Variants in LRP1B observed in about 807,000 individuals in gnomAD.
LRP1B encodes the protein low-density lipoprotein receptor-related protein 1B.
LRP1B carries 217 observed loss-of-function variants against 556.6 expected under a neutral mutation model. The ratio of observed to expected loss-of-function variants is 0.39; its 90% CI spans 0.35 to 0.44. LRP1B has a LOEUF of 0.44. LRP1B is among the 20% of genes least tolerant of loss of function. The probability of loss-of-function intolerance (pLI) is 1.00; values close to 1 mark genes in which losing one functional copy is unlikely to be tolerated. For synonymous variants in LRP1B, 2,047 were observed against 1,865.8 expected (o/e 1.10, Z -2.50); for missense variants, 5,053 against 5,620.8 (o/e 0.90, Z 3.23).
chr2:141,679,290 T>C (rs928334051), intron 2 of LRP1B, among the ~76,000 whole-genome samples: 6 of 152,152 alleles, frequency 3.9e-5, no homozygotes, highest in Non-Finnish European at 7.4e-5. Flanking sequence ...CAGACATATG[T>C]ATTTAGGCCA....
intron 43 of LRP1B, among the ~76,000 whole-genome samples, chr2:140,548,253 T>A (rs1680420161): frequency 6.6e-6 from 1 of 152,190 alleles, no homozygotes; most frequent in African/African-American, 2.4e-5. Context: ...TGGAACTTGA[T>A]ATAAGGTTTA....
intron 90 of LRP1B, among the ~76,000 whole-genome samples, chr2:140,234,577 C>G (rs1680612752): frequency 6.6e-6 from 1 of 151,252 alleles, no homozygotes; most frequent in Non-Finnish European, 1.5e-5. Flanking sequence ...AGAGATATTT[C>G]TACTTAATGG....
intron 23 of LRP1B, among the ~76,000 whole-genome samples, chr2:140,888,677 T>C (rs927257191): frequency 6.6e-6 from 1 of 151,716 alleles, no homozygotes; most frequent in Admixed American, 6.6e-5. Context: ...TAAAAAGAAA[T>C]AGAAGGACAG....
intron 25 of LRP1B, among the ~76,000 whole-genome samples, chr2:140,873,294 A>G (rs1693199601): frequency 6.6e-6 from 1 of 152,130 alleles, no homozygotes; most frequent in Non-Finnish European, 1.5e-5. Context: ...TTAATAAATA[A>G]GACATTAATA....
intron 20 of LRP1B, among the ~76,000 whole-genome samples, chr2:140,942,643 C>A (rs572608136): frequency 1.3e-5 from 2 of 152,104 alleles, no homozygotes; most frequent in Admixed American, 6.6e-5. Context: ...TTTTAGTATT[C>A]TTATAAGAAA....
chr2:141,609,562 G>A (rs150821985), intron 2 of LRP1B, among the ~76,000 whole-genome samples: 172 of 152,256 alleles, frequency 1.1e-3, no homozygotes, highest in African/African-American at 3.9e-3. Context: ...TCACTTAATT[G>A]TATGCTTATA....
At chr2:141,639,595 T>A (rs950076076) in intron 2 of LRP1B, among the ~76,000 whole-genome samples, 21 of 151,262 alleles carry the variant, frequency 1.4e-4, no homozygotes, top group Non-Finnish European at 5.9e-5. Context: ...CTGTACCTTG[T>A]GCATCTATTT....
At chr2:140,398,251 A>G (rs1193749106) in intron 66 of LRP1B, among the ~76,000 whole-genome samples, 2 of 152,300 alleles carry the variant, frequency 1.3e-5, no homozygotes, top group East Asian at 3.9e-4. Flanking sequence ...ATTTATCTAC[A>G]TACATATATT....
chr2:141,494,323 C>G (rs978652666), intron 2 of LRP1B, among the ~76,000 whole-genome samples: 1 of 152,222 alleles, frequency 6.6e-6, no homozygotes, highest in Admixed American at 6.5e-5. Flanking sequence ...ACCTTTGAAG[C>G]AACACAAAAC....
intron 41 of LRP1B, among the ~76,000 whole-genome samples, chr2:140,651,719 A>G (rs116406740): frequency 2.0e-5 from 3 of 152,098 alleles, no homozygotes; most frequent in Non-Finnish European, 4.4e-5. Flanking sequence ...GTTGCAGTAG[A>G]TGAGGGAGTC....
chr2:140,900,994 A>G (rs1003133733), intron 23 of LRP1B, among the ~76,000 whole-genome samples: 1 of 152,172 alleles, frequency 6.6e-6, no homozygotes, highest in African/African-American at 2.4e-5. Context: ...CAGTCTGATG[A>G]AGCATGTGGA....
intron 3 of LRP1B, among the ~76,000 whole-genome samples, chr2:141,320,309 T>C (rs184114276): frequency 2.7e-3 from 411 of 152,244 alleles, no homozygotes; most frequent in Non-Finnish European, 3.9e-3. Flanking sequence ...GAATCCTTTT[T>C]CTTCATGAGT....
chr2:141,515,805 T>C (rs983756029), intron 2 of LRP1B, among the ~76,000 whole-genome samples: 1 of 152,122 alleles, frequency 6.6e-6, no homozygotes, highest in Non-Finnish European at 1.5e-5. Context: ...CTAAACAAAT[T>C]GTTAATGAGT....
intron 2 of LRP1B, among the ~76,000 whole-genome samples, chr2:141,489,132 TTTTTTTTTGTGA>T (rs1683238428): frequency 9.4e-6 from 1 of 106,842 alleles, no homozygotes; most frequent in African/African-American, 2.9e-5. Context: ...TTTTTTTTTT[TTTTTTTTTGTGA>T]GTGGGGACTG....
intron 1 of LRP1B, among the ~76,000 whole-genome samples, chr2:141,870,794 G>A (rs1698561462): frequency 6.6e-6 from 1 of 151,888 alleles, no homozygotes; most frequent in Non-Finnish European, 1.5e-5. Flanking sequence ...TATCAGAATT[G>A]TTGCTGTAAA....
rs538038858 is a variant in LRP1B, at chr2:140,542,602, G to A, written c.7195-631C>T. Among the ~76,000 whole-genome samples the A allele has an allele frequency of 2.0e-5, 3 of 152,182 alleles. No individual in the cohort carries two copies. The East Asian group carries it at 5.8e-4, about 29-fold the overall frequency. On this transcript the variant is annotated intron_variant, in intron 43 of 90. Transcript: ENST00000389484. ...CACATTGCACATCAGGAAATGAAAG[G>A]CAGTGATTCCTGGGTAATAGGAAAT...
In LRP1B at chr2:141,483,217, G is replaced by GT. The variant is rs566001772; in HGVS notation, c.206-2685dup. ...TATGAGTGAGAACATGCGGTGTTTGGTTTTTTGTCCTTGCGATAGTTTGCT... is the reference window on the plus strand; with the variant it reads ...TATGAGTGAGAACATGCGGTGTTTGGTTTTTTTGTCCTTGCGATAGTTTGCT... On this transcript the variant is annotated intron_variant, in intron 2 of 90. Coordinates refer to ENST00000389484, the MANE Select transcript of LRP1B (RefSeq NM_018557.3). 1.1e-3 allele frequency among the ~76,000 whole-genome samples: 156 copies of GT among 148,192 alleles called. 3 individuals are homozygous for GT. Among genetic ancestry groups the GT allele is most frequent in the African/African-American group, 3.4e-3 (138 of 40,092 alleles).
At chr2:142,049,131 G>C (rs375508485) in intron 1 of LRP1B, among the ~76,000 whole-genome samples, 2 of 152,000 alleles carry the variant, frequency 1.3e-5, no homozygotes, top group South Asian at 2.1e-4. Flanking sequence ...CTAAAAAAAG[G>C]CCCCTTTTTT....
At chr2:141,390,756 G>A (rs1282194242) in intron 3 of LRP1B, among the ~76,000 whole-genome samples, 1 of 152,204 alleles carries the variant, frequency 6.6e-6, no homozygotes, top group African/African-American at 2.4e-5. Context: ...AAGGTGGACT[G>A]GTAGTTTTTA....
Sources: gnomAD v4.1 joint callset for allele counts (sites outside exome capture counted in the v4.1 genomes callset) on GRCh38, gnomAD v4.1.1 for gene constraint, MANE v1.5 for transcripts, NCBI Gene and HGNC (gene_info 2026-07-23, HGNC 2026-07-21) for gene names.